PHF20L1: variants seen among roughly 807,000 people sequenced by gnomAD.
PHF20L1 encodes the protein PHD finger protein 20-like protein 1.
In PHF20L1, 44 loss-of-function variants were observed where a neutral mutation model predicts 125.5. That is an observed-to-expected ratio of 0.35 (90% CI 0.28 to 0.45). PHF20L1 has a LOEUF of 0.45. Among genes scored for constraint, PHF20L1 ranks in the 20% least tolerant of loss-of-function variants. The pLI, the probability that PHF20L1 is intolerant of heterozygous loss-of-function variation, is 1.00. For synonymous variants in PHF20L1, 380 were observed against 403.1 expected, an observed-to-expected ratio of 0.94 and a Z score of 0.69; for missense variants, 1,012 against 1,217.2, an observed-to-expected ratio of 0.83 and a Z score of 2.51.
At chr8:132,789,673 A>G (rs1167644795) in intron 2 of PHF20L1, among the ~76,000 whole-genome samples, 3 of 152,208 alleles carry the variant, frequency 2.0e-5, no homozygotes, top group Admixed American at 1.3e-4. Flanking sequence ...TATACAAGAC[A>G]TACGAGAGAG....
chr8:132,836,812 AC>A, intron 16 of PHF20L1, 91 bp downstream of exon 16: 1 of 885,948 alleles, frequency 1.1e-6, no homozygotes, highest in Non-Finnish European at 1.8e-6. Context: ...TACTGACTGT[AC>A]TACTGAAGAT....
At chr8:132,827,208 G>T (rs980955123) in intron 14 of PHF20L1, among the ~76,000 whole-genome samples, 1 of 151,496 alleles carries the variant, frequency 6.6e-6, no homozygotes, top group Non-Finnish European at 1.5e-5. Flanking sequence ...AGCTAGAAAT[G>T]ATGTAGAGGT....
In PHF20L1 at chr8:132,839,262, C is replaced by G. The variant is rs1275720911; in HGVS notation, c.2192-125C>G. The stretch of plus-strand genomic sequence containing the variant: ...CAGTTCCTCAGAACGCTGTCTTACT[C>G]TTTTTGAATCTGCTCCTAGTGCTAG... On this transcript the variant is annotated intron_variant, in intron 17 of 20. Transcript: ENST00000395386. The G allele has an allele frequency of 8.2e-6, 6 of 727,640 alleles. No individual in the cohort carries two copies. The Admixed American group carries it at 1.4e-4, about 17-fold the overall frequency. 45.1% of individuals were successfully genotyped at this position (727,640 alleles called of 1,614,324 possible).
intron 4 of PHF20L1, among the ~76,000 whole-genome samples, chr8:132,797,513 G>C (rs1455338773): frequency 6.6e-6 from 1 of 151,980 alleles, no homozygotes; most frequent in Non-Finnish European, 1.5e-5. Context: ...AGACGGCCTG[G>C]TGTGCAAGCT....
intron 7 of PHF20L1, 36 bp downstream of exon 7, chr8:132,804,068 A>G (rs1833402706): frequency 8.2e-6 from 11 of 1,336,198 alleles, no homozygotes; most frequent in South Asian, 4.8e-5. Flanking sequence ...TCCTTATGAC[A>G]CTGGTAAACT....
chr8:132,826,185 A>G (rs2131794846), intron 14 of PHF20L1: 1 of 152,232 alleles, frequency 6.6e-6, no homozygotes, highest in South Asian at 2.1e-4. Context: ...ATATGACCAC[A>G]TAGGATTGGT....
At chr8:132,843,693 A>G (rs984788467) in intron 19 of PHF20L1, 3 of 983,744 alleles carry the variant, frequency 3.0e-6, no homozygotes. Context: ...CCCTCCCTTC[A>G]TTGATTTACT....
intron 18 of PHF20L1, among the ~76,000 whole-genome samples, chr8:132,840,752 A>G (rs1158654447): frequency 6.6e-6 from 1 of 152,032 alleles, no homozygotes; most frequent in Admixed American, 6.6e-5. Context: ...TACCTGCCCA[A>G]CTAGAGTTGA....
intron 20 of PHF20L1, among the ~76,000 whole-genome samples, chr8:132,844,949 T>A (rs148343822): frequency 6.6e-6 from 1 of 152,160 alleles, no homozygotes; most frequent in Non-Finnish European, 1.5e-5. Flanking sequence ...ACCCCAACTT[T>A]ACTTTTTTTA....
intron 10 of PHF20L1, chr8:132,815,331 CTTT>C (rs2131672189): frequency 6.6e-6 from 1 of 151,648 alleles, no homozygotes; most frequent in Non-Finnish European, 1.5e-5. Flanking sequence ...TCAGTTTAAT[CTTT>C]TTAATGAAAA....
chr8:132,775,712 A>T, intron 1 of PHF20L1, 67 bp downstream of exon 1: 1 of 300,830 alleles, frequency 3.3e-6, no homozygotes, highest in Non-Finnish European at 6.0e-6. Context: ...GGACGCCCCC[A>T]TTCTGGTGTC....
chr8:132,784,069 G>A (rs184857471), intron 2 of PHF20L1, among the ~76,000 whole-genome samples: 11 of 152,052 alleles, frequency 7.2e-5, no homozygotes, highest in Non-Finnish European at 1.3e-4. Flanking sequence ...AGAAAGCCCC[G>A]TAAATTCCTT....
intron 8 of PHF20L1, chr8:132,807,141 T>C (rs1833813179): frequency 6.6e-6 from 1 of 152,270 alleles, no homozygotes. Context: ...TATATATTTC[T>C]ATGTATACAC....
chr8:132,832,108 A>G, intron 14 of PHF20L1, 127 bp from the exon 15 acceptor site: 2 of 659,936 alleles, frequency 3.0e-6, no homozygotes, highest in Non-Finnish European at 5.3e-6. Context: ...GTAGCTTTTC[A>G]TGGATGAGAA....
chr8:132,800,175 G>A (rs765238850), intron 6 of PHF20L1, among the ~76,000 whole-genome samples: 10 of 151,276 alleles, frequency 6.6e-5, no homozygotes, highest in Non-Finnish European at 1.0e-4. Flanking sequence ...TTGGTTTGTG[G>A]TAAAATTACA....
chr8:132,782,446 A>T (rs1326406892), intron 2 of PHF20L1, among the ~76,000 whole-genome samples: 2 of 152,202 alleles, frequency 1.3e-5, no homozygotes, highest in Non-Finnish European at 2.9e-5. Flanking sequence ...GGGGAGAGGG[A>T]GAATAGAAAA....
intron 8 of PHF20L1, chr8:132,808,943 T>C (rs1217692964): frequency 6.6e-6 from 1 of 151,780 alleles, no homozygotes; most frequent in African/African-American, 2.4e-5. Context: ...ACTCCTGGGC[T>C]CAAGCAACTC....
intron 19 of PHF20L1, chr8:132,843,605 TTGTGTGTGTGTG>T (rs71299034): frequency 9.9e-5 from 94 of 948,750 alleles, no homozygotes; most frequent in East Asian, 1.2e-4. Context: ...CAAACGCACA[TTGTGTGTGTGTG>T]TGTGTGTGTG....
At chr8:132,836,151 G>GGTA (rs1563848577) in intron 15 of PHF20L1, among the ~76,000 whole-genome samples, 1 of 151,880 alleles carries the variant, frequency 6.6e-6, no homozygotes, top group African/African-American at 2.4e-5. Context: ...GGACAGTGGT[G>GGTA]TCACACTGAT....
Sources: allele counts gnomAD v4.1 joint callset (sites outside exome capture counted in the v4.1 genomes callset), GRCh38; gene constraint gnomAD v4.1.1; transcripts MANE v1.5; gene names NCBI Gene and HGNC (gene_info 2026-07-23, HGNC 2026-07-21).